The following BCAS3 variants were observed in gnomAD, a reference collection of about 807,000 sequenced individuals.
The protein encoded by BCAS3 is BCAS3 microtubule associated cell migration factor, also known as BCAS4/BCAS3 fusion.
A neutral mutation model predicts 116.1 loss-of-function variants in BCAS3; 53 were observed. The ratio of observed to expected loss-of-function variants is 0.46; its 90% confidence interval spans 0.37 to 0.57. The LOEUF (loss-of-function observed/expected upper bound fraction) is 0.57, where lower values mean the gene tolerates loss of function less well. Ranked by LOEUF, BCAS3 falls within the 20% of genes least tolerant of loss-of-function variation. BCAS3 has a pLI of 0.00. For synonymous variants in BCAS3, 391 were observed against 408.2 expected (o/e 0.96, Z 0.51); for missense variants, 917 against 1,165.4 (o/e 0.79, Z 3.10).
chr17:60,725,192 C>G (rs1429849634), intron 5 of BCAS3, among the ~76,000 whole-genome samples: 1 of 151,926 alleles, frequency 6.6e-6, no homozygotes, highest in African/African-American at 2.4e-5. Flanking sequence ...CATTCTTTAC[C>G]CAATTAATTG....
rs2076658334 is a variant in BCAS3, at chr17:61,136,664, A to T, written c.2425+52100A>T. On this transcript the variant is annotated intron_variant, in intron 22 of 23. Transcript: ENST00000407086. The surrounding 1 kb of genome is among the most constrained non-coding windows in gnomAD (Gnocchi z 4.4). The stretch of plus-strand genomic sequence containing the variant: ...AACCTCTGCCTCCCAGGTTCAAGCA[A>T]TTCTTATACCTCAGCCTCCTGAGTA... 6.6e-6 allele frequency among the ~76,000 whole-genome samples: 1 copy of T among 152,138 alleles called. No homozygotes were observed. Among genetic ancestry groups the T allele is most frequent in the Admixed American group, 6.5e-5 (1 of 15,278 alleles).
chr17:61,208,877 G>GA lies in BCAS3; in HGVS notation c.2425+124328dup, dbSNP rs11299754. Among the ~76,000 whole-genome samples the GA allele has an allele frequency of 1.1e-3, 155 of 143,828 alleles. 1 individual carries two copies. Among genetic ancestry groups the GA allele is most frequent in the African/African-American group, 3.6e-3 (141 of 38,954 alleles). 94.4% of individuals were successfully genotyped at this position (143,828 alleles called of 152,430 possible). On this transcript the variant is annotated intron_variant, in intron 22 of 23. Coordinates refer to ENST00000407086, the MANE Select transcript of BCAS3 (RefSeq NM_017679.5). The surrounding 1 kb of genome is among the most constrained non-coding windows in gnomAD (Gnocchi z 4.5). ...TTGCTAAGAGAAAAGTGCTAAAAAG[G>GA]AAAAAAAAAAAAAAAGGAGGGCCTG...
At chr17:60,874,555 A>T in intron 8 of BCAS3, 107 bp from the exon 9 acceptor site, 1 of 673,860 alleles carries the variant, frequency 1.5e-6, no homozygotes, top group African/African-American at 1.8e-5. Context: ...AAATTGTATT[A>T]GTAGGCACTT....
chr17:60,782,749 C>A (rs1376945244), intron 6 of BCAS3, among the ~76,000 whole-genome samples: 8 of 151,752 alleles, frequency 5.3e-5, no homozygotes, highest in African/African-American at 1.9e-4. Context: ...CCGCACACAG[C>A]TAATTTTTTT....
chr17:61,060,293 A>ATT (rs373600893), intron 19 of BCAS3, among the ~76,000 whole-genome samples: 380 of 143,224 alleles, frequency 2.7e-3, no homozygotes, highest in African/African-American at 9.1e-3. Flanking sequence ...CACCCGGCTA[A>ATT]TTTTTTTTTT....
intron 7 of BCAS3, among the ~76,000 whole-genome samples, chr17:60,868,200 T>C (rs1454504445): frequency 6.6e-6 from 1 of 151,852 alleles, no homozygotes; most frequent in African/African-American, 2.4e-5. Flanking sequence ...AATTTTTGTA[T>C]TTTTTTAGTG....
rs570095042 is a variant in BCAS3 at position 60,775,814 on chromosome 17, G to T, written c.403+28535G>T. 5.9e-5 allele frequency among the ~76,000 whole-genome samples: 9 copies of T among 152,260 alleles called. No individual in the cohort carries two copies. In the East Asian group the frequency reaches 1.7e-3, roughly 29 times the overall value. ...GATGTATGAGTCTATATAAGTAAAT[G>T]AAAGTTTTTGGCAGTGTTTTACTTC... On this transcript the variant is annotated intron_variant, in intron 6 of 23. Coordinates refer to ENST00000407086, the MANE Select transcript of BCAS3 (RefSeq NM_017679.5).
intron 22 of BCAS3, among the ~76,000 whole-genome samples, chr17:61,253,186 C>T (rs1402380300): frequency 6.6e-6 from 1 of 151,306 alleles, no homozygotes; most frequent in East Asian, 2.0e-4. Flanking sequence ...CGTTGCTATA[C>T]CATTTGTTCC....
intron 22 of BCAS3, among the ~76,000 whole-genome samples, chr17:61,155,494 CAAAA>C (rs11327492): frequency 6.4e-5 from 8 of 125,402 alleles, no homozygotes; most frequent in Admixed American, 2.3e-4. Context: ...AGAGTGGTAG[CAAAA>C]AAAAAAAAAA....
At chr17:60,753,469 G>T (rs2042688946) in intron 6 of BCAS3, among the ~76,000 whole-genome samples, 1 of 151,068 alleles carries the variant, frequency 6.6e-6, no homozygotes, top group African/African-American at 2.4e-5. Context: ...GAGTGCAGTG[G>T]CTCGACCTCC....
In BCAS3 at chr17:60,932,702, A is replaced by G. The variant is rs541070060; in HGVS notation, c.1087+8202A>G. On this transcript the variant is annotated intron_variant, in intron 13 of 23. Transcript: ENST00000407086. ...GCTTGCAGTGAGCCAAGATGGTGCC[A>G]CTGCACTCCAGCCTGGGCGACAGAG... Among the ~76,000 whole-genome samples the G allele has an allele frequency of 5.7e-5, 8 of 140,606 alleles. No individual in the cohort carries two copies. In the East Asian group the frequency reaches 1.7e-3, roughly 30 times the overall value. The allele number at this position is 140,606 out of a possible 152,430, so 92.2% of individuals were successfully genotyped here.
intron 22 of BCAS3, among the ~76,000 whole-genome samples, chr17:61,176,848 A>G (rs2079181263): frequency 6.6e-6 from 1 of 152,238 alleles, no homozygotes; most frequent in Admixed American, 6.5e-5. Context: ...GGCATGAGCC[A>G]CCGCACTCTG....
intron 22 of BCAS3, among the ~76,000 whole-genome samples, chr17:61,334,751 G>A (rs1052631587): frequency 6.6e-5 from 10 of 151,672 alleles, no homozygotes; most frequent in Admixed American, 5.9e-4. Flanking sequence ...GATCCTAAGA[G>A]GGCAAAGGAG....
chr17:61,375,994 TGTG>T (rs550008249), intron 23 of BCAS3, among the ~76,000 whole-genome samples: 1 of 152,216 alleles, frequency 6.6e-6, no homozygotes, highest in African/African-American at 2.4e-5. Flanking sequence ...TTTCAGAAGA[TGTG>T]GTGGTGGTTA....
chr17:61,293,415 A>G (rs187888693), intron 22 of BCAS3, among the ~76,000 whole-genome samples: 1 of 152,258 alleles, frequency 6.6e-6, no homozygotes, highest in East Asian at 1.9e-4. Flanking sequence ...CACTCTTACT[A>G]ATAGGAGAGC....
chr17:61,284,334 C>CACT (rs1354879802), intron 22 of BCAS3, among the ~76,000 whole-genome samples: 3 of 152,188 alleles, frequency 2.0e-5, no homozygotes, highest in Admixed American at 6.5e-5. Flanking sequence ...TCTGGGTCCA[C>CACT]ACTAGCTTTA....
chr17:60,927,951 G>T (rs1167568983), intron 13 of BCAS3, among the ~76,000 whole-genome samples: 1 of 151,662 alleles, frequency 6.6e-6, no homozygotes, highest in Non-Finnish European at 1.5e-5. Flanking sequence ...TTCATTCTGG[G>T]AAAGTGGTTC....
rs1405857750 is a variant in BCAS3 at position 60,693,729 on chromosome 17, C to T, written c.214+3968C>T. Among the ~76,000 whole-genome samples the T allele has an allele frequency of 3.3e-5, 5 of 151,446 alleles. No individual in the cohort carries two copies. The South Asian group carries it at 8.3e-4, about 25-fold the overall frequency. On this transcript the variant is annotated intron_variant, in intron 4 of 23. Coordinates refer to ENST00000407086, the MANE Select transcript of BCAS3 (RefSeq NM_017679.5). ...TGCCCGGCATGGCCAGTTCTAATAT[C>T]AAGGTCTAGTACTATATTTGAGTGT...
intron 5 of BCAS3, among the ~76,000 whole-genome samples, chr17:60,732,525 A>G (rs569927428): frequency 6.6e-6 from 1 of 152,126 alleles, no homozygotes; most frequent in South Asian, 2.1e-4. Flanking sequence ...GCTATAAATC[A>G]TAGGAAGTAA....
Sources: allele counts gnomAD v4.1 joint callset (sites outside exome capture counted in the v4.1 genomes callset), GRCh38; gene constraint gnomAD v4.1.1; non-coding constraint Gnocchi (gnomAD v3.1); transcripts MANE v1.5; gene names NCBI Gene and HGNC (gene_info 2026-07-23, HGNC 2026-07-21).